Variants in CADPS observed in about 807,000 individuals in gnomAD.
The protein encoded by CADPS is calcium dependent secretion activator, also known as calcium-dependent secretion activator 1.
CADPS carries 57 observed loss-of-function variants against 167.3 expected under a neutral mutation model. The ratio of observed to expected loss-of-function variants is 0.34; its 90% CI spans 0.28 to 0.42. The LOEUF (loss-of-function observed/expected upper bound fraction) is 0.42, where lower values mean the gene tolerates loss of function less well. Among genes scored for constraint, CADPS ranks in the 20% least tolerant of loss-of-function variants. The pLI is 1.00. For synonymous variants in CADPS, 676 were observed against 635.3 expected, an observed-to-expected ratio of 1.06 and a Z score of -0.96; for missense variants, 1,414 against 1,738.1, an observed-to-expected ratio of 0.81 and a Z score of 3.32.
Position 62,645,834 on chromosome 3 carries a change from T to C in CADPS, c.1213A>G (p.Met405Val). ...AAAGATTTGAGGCCTTGGACTTCCA[T>C]AATTACCACCTGAAAAGAGAATTCC... The part of the protein sequence containing the change: ...VLSFSLEVVI[M>V]EVQGLKSLAP... The change falls in exon 6 of 30, where the codon ATG becomes GTG. Residue 405 changes from methionine to valine, a missense_variant. Transcript: ENST00000383710. 10 of 1,614,082 alleles carry C rather than the reference T, an allele frequency of 6.2e-6. No homozygotes were observed. Among genetic ancestry groups the C allele is most frequent in the Non-Finnish European group, 7.6e-6 (9 of 1,179,954 alleles).
intron 1 of CADPS, among the ~76,000 whole-genome samples, chr3:62,822,204 G>T (rs28595569): frequency 0.14 from 21,989 of 152,098 alleles, 1,881 homozygotes; most frequent in African/African-American, 0.22. Flanking sequence ...ATATTAACAG[G>T]TTCTACTCAC....
chr3:62,525,180 A>G (rs1175396269), intron 13 of CADPS, among the ~76,000 whole-genome samples: 1 of 152,152 alleles, frequency 6.6e-6, no homozygotes, highest in African/African-American at 2.4e-5. Flanking sequence ...TGGAATAGGT[A>G]ATTTAGCATA....
intron 9 of CADPS, 27 bp from the exon 10 acceptor site, chr3:62,557,540 T>G (rs1007836404): frequency 1.3e-6 from 2 of 1,557,812 alleles, no homozygotes; most frequent in African/African-American, 2.7e-5. Context: ...GATTGTGAGG[T>G]TGACCCCTGG....
At chr3:62,556,334 G>A (rs977970278) in intron 10 of CADPS, among the ~76,000 whole-genome samples, 3 of 152,162 alleles carry the variant, frequency 2.0e-5, no homozygotes, top group Non-Finnish European at 4.4e-5. Flanking sequence ...GGTGGCGCTG[G>A]GCCCAGTCAC....
At chr3:62,709,739 G>A (rs551018792) in intron 3 of CADPS, among the ~76,000 whole-genome samples, 56 of 151,794 alleles carry the variant, frequency 3.7e-4, no homozygotes, top group African/African-American at 1.4e-3. Context: ...GAAGATGGAG[G>A]ACCACTGGGT....
In CADPS at chr3:62,491,500, G is replaced by T. The variant is rs534417108; in HGVS notation, c.2885-20C>A. ...AATTATCTAGAACAGATAAGCAAAA[G>T]CTTGTTAAGAACCCACAGCTACTTT... On this transcript the variant is annotated intron_variant, in intron 20 of 29. Transcript: ENST00000383710. 6 of 1,605,692 alleles carry T rather than the reference G, an allele frequency of 3.7e-6. No individual in the cohort carries two copies. The African/African-American group carries it at 4.0e-5, about 11-fold the overall frequency.
intron 1 of CADPS, among the ~76,000 whole-genome samples, chr3:62,846,744 A>C (rs2077506077): frequency 6.6e-6 from 1 of 152,104 alleles, no homozygotes; most frequent in African/African-American, 2.4e-5. Flanking sequence ...GTTCATTACA[A>C]CTTCCACCTC....
At chr3:62,640,181 GA>G (rs2067142084) in intron 6 of CADPS, among the ~76,000 whole-genome samples, 1 of 152,142 alleles carries the variant, frequency 6.6e-6, no homozygotes, top group Non-Finnish European at 1.5e-5. Context: ...TATCACATTT[GA>G]ATATCAAAGA....
chr3:62,746,708 G>T (rs910681044), intron 3 of CADPS, among the ~76,000 whole-genome samples: 4 of 152,114 alleles, frequency 2.6e-5, no homozygotes, highest in Non-Finnish European at 5.9e-5. Flanking sequence ...TCTCCCTGTT[G>T]CTGGATCTGG....
chr3:62,487,712 A>G (rs1333729663), intron 21 of CADPS, among the ~76,000 whole-genome samples: 1 of 152,248 alleles, frequency 6.6e-6, no homozygotes, highest in African/African-American at 2.4e-5. Flanking sequence ...TCCGTCAAAT[A>G]ACTTCAATTA....
At position 62,503,135 on chromosome 3, in the gene CADPS, T is replaced by C. The variant is rs145461997; in HGVS notation, c.2600-3867A>G. ...TATCCAGATGGATACACATGAATGA[T>C]GGCAGCAGCAGCACTGACCAAAAAA... On this transcript the variant is annotated intron_variant, in intron 17 of 29. Transcript: ENST00000383710. Among the ~76,000 whole-genome samples, 778 of 151,086 alleles carry C rather than the reference T, an allele frequency of 5.1e-3. 8 individuals are homozygous for C. Among genetic ancestry groups the C allele is most frequent in the African/African-American group, 0.018 (740 of 41,136 alleles).
intron 3 of CADPS, among the ~76,000 whole-genome samples, chr3:62,666,772 C>T (rs2074493668): frequency 6.6e-6 from 1 of 152,134 alleles, no homozygotes; most frequent in Non-Finnish European, 1.5e-5. Context: ...ACAATTGTCT[C>T]TAGCTCATGG....
chr3:62,753,378 C>G lies in CADPS; in HGVS notation c.888+63G>C. The G allele has an allele frequency of 8.4e-7, 1 of 1,192,692 alleles. No homozygotes were observed. Among genetic ancestry groups the G allele is most frequent in the Non-Finnish European group, 1.2e-6 (1 of 835,130 alleles). 73.9% of individuals were successfully genotyped at this position (1,192,692 alleles called of 1,614,324 possible). A position where few individuals can be genotyped will look rare whatever the true frequency, so the allele number is the denominator to read the frequency against. On this transcript the variant is annotated intron_variant, in intron 3 of 29. Coordinates refer to ENST00000383710, the MANE Select transcript of CADPS (RefSeq NM_003716.4). The surrounding 1 kb of genome is among the most constrained non-coding windows in gnomAD (Gnocchi z 4.6). ...TTTTTAAAAAAATCAAGAAGTATCTCATAGAAGTTGGAATGCAGCTCTGCT... is the reference window on the plus strand; with the variant it reads ...TTTTTAAAAAAATCAAGAAGTATCTGATAGAAGTTGGAATGCAGCTCTGCT...
intron 15 of CADPS, 25 bp from the exon 16 acceptor site, chr3:62,516,207 AT>A: frequency 6.2e-7 from 1 of 1,612,384 alleles, no homozygotes; most frequent in Non-Finnish European, 8.5e-7. Context: ...AAGAGGGATT[AT>A]TAAGAAGGTT....
At chr3:62,560,111 T>G (rs1201329749) in intron 9 of CADPS, among the ~76,000 whole-genome samples, 7 of 152,106 alleles carry the variant, frequency 4.6e-5, no homozygotes, top group Admixed American at 4.6e-4. Flanking sequence ...CAAATTGAGT[T>G]GGTTTATTGG....
intron 1 of CADPS, among the ~76,000 whole-genome samples, chr3:62,768,446 A>T (rs1033412044): frequency 6.6e-6 from 1 of 152,206 alleles, no homozygotes; most frequent in Admixed American, 6.5e-5. Flanking sequence ...AAATAAAATT[A>T]TGCACATACC....
intron 3 of CADPS, among the ~76,000 whole-genome samples, chr3:62,749,726 C>T (rs1036231794): frequency 6.6e-6 from 1 of 152,136 alleles, no homozygotes; most frequent in African/African-American, 2.4e-5. Flanking sequence ...ATACAGCCTG[C>T]CAGCAAGGAA....
chr3:62,782,634 T>C (rs932486580), intron 1 of CADPS, among the ~76,000 whole-genome samples: 1 of 152,182 alleles, frequency 6.6e-6, no homozygotes, highest in Non-Finnish European at 1.5e-5. Context: ...TGTACAGCAT[T>C]GAAAGAGCAG....
At chr3:62,525,017 A>G (rs759800294) in intron 13 of CADPS, among the ~76,000 whole-genome samples, 5 of 152,172 alleles carry the variant, frequency 3.3e-5, no homozygotes, top group Non-Finnish European at 5.9e-5. Context: ...TGGCTTTTTG[A>G]TATCACATCC....
Sources: gnomAD v4.1 joint callset for allele counts (sites outside exome capture counted in the v4.1 genomes callset) on GRCh38, gnomAD v4.1.1 for gene constraint, Gnocchi (gnomAD v3.1) non-coding constraint, MANE v1.5 for transcripts, NCBI Gene and HGNC (gene_info 2026-07-23, HGNC 2026-07-21) for gene names.